Variants in POMGNT1 observed in about 807,000 individuals in gnomAD.
The protein encoded by POMGNT1 is protein O-linked-mannose beta-1,2-N-acetylglucosaminyltransferase 1.
In POMGNT1, 67 loss-of-function variants were observed where a neutral mutation model predicts 95.6. The observed-to-expected ratio is 0.70, with a 90% CI of 0.58 to 0.86. The LOEUF is 0.86. Ranked by LOEUF, POMGNT1 falls within the 40% of genes least tolerant of loss-of-function variation. The probability of loss-of-function intolerance (pLI) is 0.00; values close to 1 mark genes in which losing one functional copy is unlikely to be tolerated. For missense variants in POMGNT1, 719 were observed against 855.2 expected (o/e 0.84, Z 1.99); for synonymous variants, 298 against 317.9 (o/e 0.94, Z 0.66).
intron 9 of POMGNT1, 29 bp from the exon 10 acceptor site, chr1:46,193,954 C>T (rs1658003457): frequency 6.2e-7 from 1 of 1,612,212 alleles, no homozygotes; most frequent in Non-Finnish European, 8.5e-7. Context: ...TTAGCTCTTG[C>T]CTTATTCCCC....
At chr1:46,204,426 G>A (rs1439537187) in intron 1 of POMGNT1, among the ~76,000 whole-genome samples, 1 of 152,212 alleles carries the variant, frequency 6.6e-6, no homozygotes, top group Non-Finnish European at 1.5e-5. Flanking sequence ...TGAAGTGGGT[G>A]ATTTACACCT....
At chr1:46,198,742 G>A (rs1571675263), upstream of POMGNT1, among the ~76,000 whole-genome samples, 1 of 152,144 alleles carries the variant, frequency 6.6e-6, no homozygotes, top group East Asian at 1.9e-4. Context: ...AGGGTCAGAG[G>A]GGCTGCAACC....
intron 1 of POMGNT1, among the ~76,000 whole-genome samples, chr1:46,215,739 A>T (rs1348535913): frequency 6.6e-6 from 1 of 152,324 alleles, no homozygotes; most frequent in East Asian, 1.9e-4. Flanking sequence ...TCTACAAAAA[A>T]AAATTTAAAA....
In POMGNT1 at chr1:46,192,521, G is replaced by A. The variant is rs2148187177; in HGVS notation, c.1281C>T (p.Asp427=). 1 of 1,614,176 alleles carries A rather than the reference G, an allele frequency of 6.2e-7. No individual in the cohort carries two copies. Among genetic ancestry groups the A allele is most frequent in the Non-Finnish European group, 8.5e-7 (1 of 1,180,042 alleles). ...DSLYCISAWN[D]QGYEHTAEDP... ...AACCCTGGTCATTCCAGCCTACCTG[G>A]TCATTCCAGGCAGAGATGCAGTACA... The change falls in exon 15 of 22, where the codon GAC becomes GAT. Residue 427 remains aspartate, a synonymous_variant. Coordinates refer to ENST00000371984, the MANE Select transcript of POMGNT1 (RefSeq NM_017739.4).
In POMGNT1 at chr1:46,196,898, C is replaced by T; in HGVS notation, c.236-49G>A. 1.2e-6 allele frequency: 2 copies of T among 1,614,204 alleles called. No homozygotes were observed. The highest frequency in any genetic ancestry group is 1.7e-6 in the Non-Finnish European group (2 of 1,180,030). ...AGATAGTCTCCTCAGCAGAGTCTCA[C>T]CGCTTAGGGTCTGCCTGCCACTCCA... On this transcript the variant is annotated intron_variant, in intron 3 of 21. Coordinates refer to ENST00000371984, the MANE Select transcript of POMGNT1 (RefSeq NM_017739.4). This position sits in a 1 kb window ranked among gnomAD's most constrained non-coding sequence, Gnocchi z 4.4.
Position 46,196,101 on chromosome 1 carries a change from C to A in POMGNT1, c.355-24G>T. On this transcript the variant is annotated intron_variant, in intron 4 of 21. Transcript: ENST00000371984. This position sits in a 1 kb window ranked among gnomAD's most constrained non-coding sequence, Gnocchi z 4.4. ...ACCTACACAGTGGCAGAGACAAAGT[C>A]CAGCTTTTCACTCTGGCATTCAAGG... 6.2e-7 allele frequency: 1 copy of A among 1,613,754 alleles called. No homozygotes were observed. The highest frequency in any genetic ancestry group is 1.1e-5 in the South Asian group (1 of 91,010).
upstream of POMGNT1, among the ~76,000 whole-genome samples, chr1:46,199,998 C>A (rs1339033430): frequency 6.6e-6 from 1 of 151,898 alleles, no homozygotes; most frequent in South Asian, 2.1e-4. Flanking sequence ...GGTGAAACCC[C>A]GTCTCTACTA....
At chr1:46,205,190 G>A (rs1658672592) in intron 1 of POMGNT1, among the ~76,000 whole-genome samples, 1 of 152,160 alleles carries the variant, frequency 6.6e-6, no homozygotes, top group Non-Finnish European at 1.5e-5. Flanking sequence ...CCCAGGAAGA[G>A]GAGGTTGCAG....
At chr1:46,208,140 G>A (rs1658778370) in intron 1 of POMGNT1, among the ~76,000 whole-genome samples, 2 of 152,130 alleles carry the variant, frequency 1.3e-5, no homozygotes, top group Non-Finnish European at 2.9e-5. Flanking sequence ...GATTACAGGT[G>A]TGAGCCACCC....
intron 1 of POMGNT1, among the ~76,000 whole-genome samples, chr1:46,208,679 C>T (rs932030918): frequency 6.6e-6 from 1 of 151,948 alleles, no homozygotes; most frequent in East Asian, 1.9e-4. Context: ...CCCATCTCTA[C>T]TAAAAATACA....
chr1:46,199,190 C>T (rs561316144), upstream of POMGNT1, among the ~76,000 whole-genome samples: 2 of 152,328 alleles, frequency 1.3e-5, no homozygotes, highest in South Asian at 2.1e-4. Flanking sequence ...GATCCGCCCG[C>T]CTTGGCCTCC....
chr1:46,189,747 G>A (rs1318615786), intron 20 of POMGNT1, 107 bp downstream of exon 20: 2 of 1,571,476 alleles, frequency 1.3e-6, no homozygotes, highest in South Asian at 1.2e-5. Flanking sequence ...AGAGTATAAA[G>A]AGGAGGTTCT....
At chr1:46,209,655 T>G (rs1658831443) in intron 1 of POMGNT1, among the ~76,000 whole-genome samples, 1 of 149,988 alleles carries the variant, frequency 6.7e-6, no homozygotes, top group African/African-American at 2.5e-5. Flanking sequence ...TGGGATTACA[T>G]GCACCCGCCA....
chr1:46,193,994 A>C, intron 9 of POMGNT1, 69 bp from the exon 10 acceptor site: 1 of 1,597,678 alleles, frequency 6.3e-7, no homozygotes, highest in East Asian at 2.2e-5. Flanking sequence ...CCTAGGGAAG[A>C]CTTCTCAGGT....
intron 10 of POMGNT1, 74 bp from the exon 11 acceptor site, chr1:46,193,713 C>A (rs946744204): frequency 6.2e-7 from 1 of 1,607,396 alleles, no homozygotes; most frequent in Non-Finnish European, 8.5e-7. Context: ...TACAGCTGGG[C>A]CCAGAGTCCC....
At chr1:46,209,894 G>A (rs1658840642) in intron 1 of POMGNT1, among the ~76,000 whole-genome samples, 1 of 152,098 alleles carries the variant, frequency 6.6e-6, no homozygotes. Flanking sequence ...GAAAACAGCA[G>A]GACAAGTGTT....
intron 15 of POMGNT1, 39 bp from the exon 16 acceptor site, chr1:46,192,475 G>C (rs991027525): frequency 6.2e-7 from 1 of 1,613,966 alleles, no homozygotes; most frequent in African/African-American, 1.3e-5. Context: ...ATTAGCTGAG[G>C]CCTCATAAAC....
rs1057516409 is a variant in POMGNT1, at chr1:46,192,498, C to CCCTGGTCATTCCAGCCTA, written c.1284+2_1284+19dup. On this transcript the variant is annotated intron_variant, in intron 15 of 21. Coordinates refer to ENST00000371984, the MANE Select transcript of POMGNT1 (RefSeq NM_017739.4). Reference sequence around the variant, plus strand: ...AGGCCTCATAAACTCGCCTGCTAAACCCTGGTCATTCCAGCCTACCTGGTC... The same window carrying CCCTGGTCATTCCAGCCTA: ...AGGCCTCATAAACTCGCCTGCTAAACCCTGGTCATTCCAGCCTACCTGGTCATTCCAGCCTACCTGGTC... 3 of 1,614,160 alleles carry CCCTGGTCATTCCAGCCTA rather than the reference C, an allele frequency of 1.9e-6. No homozygotes were observed. Among genetic ancestry groups the CCCTGGTCATTCCAGCCTA allele is most frequent in the South Asian group, 1.1e-5 (1 of 91,082 alleles).
Position 46,189,956 on chromosome 1 carries a change from A to G in POMGNT1, c.1683T>C (p.Pro561=), listed in dbSNP as rs1246120938. 1.9e-6 allele frequency: 3 copies of G among 1,614,152 alleles called. No individual in the cohort carries two copies. The highest frequency in any genetic ancestry group is 1.7e-5 in the Admixed American group (1 of 60,014). Residue 561 remains proline (P), a synonymous_variant, in exon 20 of 22, where the codon CCT becomes CCC. Coordinates refer to ENST00000371984, the MANE Select transcript of POMGNT1 (RefSeq NM_017739.4). ...EAEVLDHSKN[P]CEDSFLPDTE... The stretch of plus-strand genomic sequence containing the variant: ...TGTCTGGCAGGAAAGAGTCTTCACA[A>G]GGGTTCTTGCTGTGGTCCAGAACCT...
Sources: gnomAD v4.1 joint callset for allele counts (sites outside exome capture counted in the v4.1 genomes callset) on GRCh38, gnomAD v4.1.1 for gene constraint, Gnocchi (gnomAD v3.1) non-coding constraint, MANE v1.5 for transcripts, NCBI Gene and HGNC (gene_info 2026-07-23, HGNC 2026-07-21) for gene names.